Variants in GRID2 observed in about 807,000 individuals in gnomAD.
GRID2 encodes the protein glutamate ionotropic receptor delta type subunit 2.
Under a neutral mutation model 114.8 loss-of-function variants are expected in GRID2, and 33 were observed. The observed-to-expected ratio is 0.29, with a 90% CI of 0.22 to 0.38. GRID2 has a LOEUF of 0.38. Among genes scored for constraint, GRID2 ranks in the 10% least tolerant of loss-of-function variants. The pLI is 1.00. For synonymous variants in GRID2, 505 were observed against 449.9 expected (o/e 1.12, Z -1.55); for missense variants, 1,184 against 1,257.7 (o/e 0.94, Z 0.89).
chr4:93,596,024 T>C (rs1019857070), intron 13 of GRID2, among the ~76,000 whole-genome samples: 2 of 151,510 alleles, frequency 1.3e-5, no homozygotes, highest in Admixed American at 1.3e-4. Context: ...AAGTAAATTA[T>C]TTGTTTATTC....
intron 4 of GRID2, among the ~76,000 whole-genome samples, chr4:93,182,849 C>T (rs1423635614): frequency 6.6e-6 from 1 of 152,144 alleles, no homozygotes; most frequent in Non-Finnish European, 1.5e-5. Context: ...AGAGTGTGTT[C>T]CCTGAATCAG....
intron 2 of GRID2, among the ~76,000 whole-genome samples, chr4:92,967,510 AT>A: frequency 6.8e-6 from 1 of 147,452 alleles, no homozygotes; most frequent in Middle Eastern, 3.6e-3. Context: ...TTAAAAAAAT[AT>A]TTTTTACCAG....
intron 2 of GRID2, among the ~76,000 whole-genome samples, chr4:92,911,380 T>G (rs1428554179): frequency 6.6e-6 from 1 of 152,034 alleles, no homozygotes; most frequent in Non-Finnish European, 1.5e-5. Context: ...TAATATAAAT[T>G]GTTACCACTT....
At chr4:93,012,957 A>T (rs1722336570) in intron 2 of GRID2, among the ~76,000 whole-genome samples, 1 of 152,076 alleles carries the variant, frequency 6.6e-6, no homozygotes, top group African/African-American at 2.4e-5. Context: ...TGAAATAATT[A>T]GAATCTAAAA....
chr4:92,312,790 G>A (rs530686228), intron 1 of GRID2, among the ~76,000 whole-genome samples: 82 of 152,114 alleles, frequency 5.4e-4, no homozygotes, highest in African/African-American at 1.8e-3. Context: ...AAAAACAGTA[G>A]ATGTTGGCAT....
chr4:92,844,268 G>A (rs1346357110), intron 2 of GRID2, among the ~76,000 whole-genome samples: 2 of 151,938 alleles, frequency 1.3e-5, no homozygotes, highest in South Asian at 2.1e-4. Context: ...GGCCAGGTGC[G>A]GTGGCTCACA....
chr4:92,571,610 C>A (rs565971348), intron 1 of GRID2, among the ~76,000 whole-genome samples: 2 of 152,052 alleles, frequency 1.3e-5, no homozygotes, highest in Admixed American at 6.6e-5. Flanking sequence ...GCACTTATTC[C>A]AAAATTGACC....
At chr4:92,325,893 T>C (rs966656460) in intron 1 of GRID2, among the ~76,000 whole-genome samples, 2 of 151,864 alleles carry the variant, frequency 1.3e-5, no homozygotes, top group African/African-American at 4.8e-5. Context: ...AATTTCTTAA[T>C]TTCTTTTAAC....
intron 14 of GRID2, among the ~76,000 whole-genome samples, chr4:93,673,027 C>A (rs1013987306): frequency 1.3e-5 from 2 of 152,082 alleles, no homozygotes; most frequent in African/African-American, 4.8e-5. Context: ...AGCGGTAGAA[C>A]CAATTTAAAT....
chr4:92,826,187 A>G (rs572788739), intron 2 of GRID2, among the ~76,000 whole-genome samples: 1 of 151,986 alleles, frequency 6.6e-6, no homozygotes, highest in African/African-American at 2.4e-5. Flanking sequence ...ATTCCTACTT[A>G]TTTCTCTTTG....
At chr4:93,188,827 C>T (rs564327995) in intron 4 of GRID2, among the ~76,000 whole-genome samples, 6 of 152,250 alleles carry the variant, frequency 3.9e-5, no homozygotes, top group South Asian at 2.1e-4. Context: ...CCCTGGGACA[C>T]GATTCAGTCA....
At chr4:93,807,037 C>G (rs994319003) in exon 2 of GRID2, 11 of 152,418 alleles carry the variant, frequency 7.2e-5, no homozygotes, top group African/African-American at 2.6e-4. Flanking sequence ...ACACAGAAAT[C>G]CTTGCTGTAA....
At chr4:93,466,284 A>G (rs1461024533) in intron 11 of GRID2, among the ~76,000 whole-genome samples, 4 of 152,130 alleles carry the variant, frequency 2.6e-5, no homozygotes, top group African/African-American at 9.7e-5. Context: ...ATATTCTCAT[A>G]GTATTGATGC....
chr4:92,793,706 G>A (rs1322220835), intron 2 of GRID2, among the ~76,000 whole-genome samples: 1 of 151,828 alleles, frequency 6.6e-6, no homozygotes, highest in African/African-American at 2.4e-5. Flanking sequence ...GAGTATTTGA[G>A]CTGAAAGTTG....
At chr4:92,470,358 T>A (rs1039708897) in intron 1 of GRID2, among the ~76,000 whole-genome samples, 9 of 151,246 alleles carry the variant, frequency 6.0e-5, no homozygotes, top group Admixed American at 1.3e-4. Flanking sequence ...TGTTTTTTTT[T>A]AATTTAATTT....
At position 93,522,662 on chromosome 4, in the gene GRID2, C is replaced by A. The variant is rs370118770; in HGVS notation, c.2193+7251C>A. Among the ~76,000 whole-genome samples the A allele has an allele frequency of 1.8e-4, 28 of 152,142 alleles. 1 individual carries two copies. The South Asian group carries it at 2.5e-3, about 14-fold the overall frequency. On this transcript the variant is annotated intron_variant, in intron 13 of 15. Coordinates refer to ENST00000282020, the MANE Select transcript of GRID2 (RefSeq NM_001510.4). ...GGAATTGAGGATATGAAAAGGGTGG[C>A]AGGAACAATGCATTGCGGGCCTAGA...
intron 1 of GRID2, among the ~76,000 whole-genome samples, chr4:92,363,504 C>G (rs1403068897): frequency 1.3e-5 from 2 of 152,028 alleles, no homozygotes; most frequent in Non-Finnish European, 2.9e-5. Flanking sequence ...TAGTCATACA[C>G]TCTTCAAAAT....
At chr4:93,163,223 C>A (rs1280958299) in intron 4 of GRID2, among the ~76,000 whole-genome samples, 3 of 150,976 alleles carry the variant, frequency 2.0e-5, no homozygotes, top group African/African-American at 7.3e-5. Context: ...AACAGCCCCA[C>A]AATGTGATTT....
chr4:93,310,607 T>C (rs1755910874), intron 8 of GRID2, among the ~76,000 whole-genome samples: 1 of 152,154 alleles, frequency 6.6e-6, no homozygotes, highest in Non-Finnish European at 1.5e-5. Context: ...TAAATCTGTT[T>C]GACAAATTGA....
Sources: allele counts gnomAD v4.1 joint callset (sites outside exome capture counted in the v4.1 genomes callset), GRCh38; gene constraint gnomAD v4.1.1; transcripts MANE v1.5; gene names NCBI Gene and HGNC (gene_info 2026-07-23, HGNC 2026-07-21).